The following SLC38A11 variants were observed in gnomAD, a reference collection of about 807,000 sequenced individuals.
SLC38A11 encodes the protein solute carrier family 38 member 11.
SLC38A11 carries 51 observed loss-of-function variants against 49.4 expected under a neutral mutation model. The observed-to-expected ratio is 1.03, with a 90% CI of 0.83 to 1.30. The LOEUF (loss-of-function observed/expected upper bound fraction) is 1.30, where lower values mean the gene tolerates loss of function less well. Ranked by LOEUF, SLC38A11 falls within the 50% of genes most tolerant of loss-of-function variation. The probability of loss-of-function intolerance (pLI) is 0.00; values close to 1 mark genes in which losing one functional copy is unlikely to be tolerated. For synonymous variants in SLC38A11, 203 were observed against 192.9 expected (o/e 1.05, Z -0.43); for missense variants, 574 against 556.2 (o/e 1.03, Z -0.32).
rs1685178320 is a variant in SLC38A11, at chr2:164,908,568, T to C, written c.1095+72A>G. On this transcript the variant is annotated intron_variant, in intron 11 of 11. Transcript: ENST00000685975. ...ACACTTTTGTTAAGGAAAATACATCTTATGTTAAATGTAATCATTATCTTT... is the reference window on the plus strand; with the variant it reads ...ACACTTTTGTTAAGGAAAATACATCCTATGTTAAATGTAATCATTATCTTT... The C allele has an allele frequency of 3.7e-6, 5 of 1,341,340 alleles. No individual in the cohort carries two copies. The South Asian group carries it at 7.5e-5, about 20-fold the overall frequency. The allele number at this position is 1,341,340 out of a possible 1,614,324, so 83.1% of individuals were successfully genotyped here.
At chr2:164,920,782 A>G (rs1686141353) in intron 7 of SLC38A11, among the ~76,000 whole-genome samples, 1 of 152,178 alleles carries the variant, frequency 6.6e-6, no homozygotes, top group South Asian at 2.1e-4. Flanking sequence ...TACAACACAA[A>G]AAGGAGGTAA....
rs1451220602 is a variant in SLC38A11 at position 164,952,721 on chromosome 2, A to G, written c.215T>C (p.Val72Ala). 6.2e-7 allele frequency: 1 copy of G among 1,608,968 alleles called. No individual in the cohort carries two copies. Among genetic ancestry groups the G allele is most frequent in the Admixed American group, 1.7e-5 (1 of 59,096 alleles). ...TAGTATTTTACCTGTAACATATGAA[A>G]CCCAGAATAAAAGCAATATTCCCAA... The part of the protein sequence containing the change: ...FPLGILLLFW[V>A]SYVTDFSLVL... Residue 72 changes from valine to alanine, a missense_variant, in exon 3 of 12, where the codon GTT becomes GCT. Val to Ala is a moderately conservative substitution (Grantham distance 64). Transcript: ENST00000685975.
chr2:164,925,087 G>T (rs1319939597), intron 7 of SLC38A11, among the ~76,000 whole-genome samples: 1 of 152,172 alleles, frequency 6.6e-6, no homozygotes. Flanking sequence ...TAAAAAGCTA[G>T]CCCAGCTTGG....
chr2:164,902,022 G>A (rs898882894), intron 11 of SLC38A11, among the ~76,000 whole-genome samples: 1 of 141,332 alleles, frequency 7.1e-6, no homozygotes, highest in East Asian at 2.1e-4. Flanking sequence ...TGTGTTTTTT[G>A]TTTTCTCTCT....
chr2:164,907,697 T>C (rs1685115323), intron 11 of SLC38A11, among the ~76,000 whole-genome samples: 2 of 152,188 alleles, frequency 1.3e-5, no homozygotes, highest in South Asian at 4.1e-4. Flanking sequence ...AAATATATGA[T>C]CAGTGAATGT....
Position 164,955,353 on chromosome 2 carries a change from G to T in SLC38A11, c.-106C>A. On this transcript the variant is annotated 5_prime_UTR_variant, in exon 1 of 12. Transcript: ENST00000685975. ...CGCACACAGCCGAGGTCCGCGTGTA[G>T]CCGCAGAGCTGCAGGGAGCCAGTTC... The T allele has an allele frequency of 8.8e-7, 1 of 1,131,282 alleles. No individual in the cohort carries two copies. Among genetic ancestry groups the T allele is most frequent in the Non-Finnish European group, 1.3e-6 (1 of 771,698 alleles). The allele number at this position is 1,131,282 out of a possible 1,614,324, so 70.1% of individuals were successfully genotyped here. A position where few individuals can be genotyped will look rare whatever the true frequency, so the allele number is the denominator to read the frequency against.
chr2:164,952,656 A>C (rs1370230411), intron 3 of SLC38A11, 51 bp downstream of exon 3: 14 of 1,104,692 alleles, frequency 1.3e-5, no homozygotes, highest in Non-Finnish European at 2.0e-5. Flanking sequence ...GTATGTGTGT[A>C]GTTATTGCAC....
At chr2:164,953,794 T>G (rs1688676338) in intron 2 of SLC38A11, among the ~76,000 whole-genome samples, 1 of 152,202 alleles carries the variant, frequency 6.6e-6, no homozygotes. Flanking sequence ...TGTTGCAACT[T>G]TATAAAACAT....
chr2:164,915,331 T>G (rs1457056307), intron 8 of SLC38A11, 58 bp from the exon 9 acceptor site: 2 of 1,483,826 alleles, frequency 1.3e-6, no homozygotes, highest in Non-Finnish European at 9.1e-7. Context: ...TCTTTTTTAG[T>G]TCTGAAATTC....
At chr2:164,908,880 G>C (rs1389920456) in intron 10 of SLC38A11, 109 bp from the exon 11 acceptor site, 1 of 1,218,702 alleles carries the variant, frequency 8.2e-7, no homozygotes, top group African/African-American at 1.6e-5. Flanking sequence ...TACCAACAAG[G>C]CTATTAATCA....
intron 5 of SLC38A11, 88 bp downstream of exon 5, chr2:164,944,478 ATTT>A (rs1687977921): frequency 1.9e-6 from 1 of 533,166 alleles, no homozygotes; most frequent in Admixed American, 4.4e-5. Context: ...TCACTTTCAA[ATTT>A]TTTATTTATA....
intron 11 of SLC38A11, among the ~76,000 whole-genome samples, chr2:164,902,291 G>A (rs12995761): frequency 0.33 from 49,862 of 151,780 alleles, 8,986 homozygotes; most frequent in South Asian, 0.55. Flanking sequence ...AAAGTGCTGA[G>A]ATTACAGGTG....
chr2:164,913,056 C>A (rs955034057), intron 9 of SLC38A11, among the ~76,000 whole-genome samples: 2 of 151,726 alleles, frequency 1.3e-5, no homozygotes, highest in African/African-American at 4.8e-5. Flanking sequence ...AATACTACAC[C>A]ATTTAAAAAG....
intron 3 of SLC38A11, among the ~76,000 whole-genome samples, chr2:164,949,415 A>G (rs1397137616): frequency 1.3e-5 from 2 of 151,902 alleles, no homozygotes; most frequent in Non-Finnish European, 1.5e-5. Context: ...AAGCCACCAC[A>G]TCCAGTTAAT....
At chr2:164,949,854 G>A (rs1688402296) in intron 3 of SLC38A11, 1 of 152,214 alleles carries the variant, frequency 6.6e-6, no homozygotes, top group South Asian at 2.1e-4. Flanking sequence ...AGAATAATTG[G>A]AATGAGACTA....
At chr2:164,924,660 C>T (rs1234049892) in intron 7 of SLC38A11, among the ~76,000 whole-genome samples, 3 of 152,066 alleles carry the variant, frequency 2.0e-5, no homozygotes, top group Admixed American at 6.5e-5. Flanking sequence ...TATTAAAAAG[C>T]TGATTTCTAG....
intron 7 of SLC38A11, among the ~76,000 whole-genome samples, chr2:164,926,564 G>A (rs1198038548): frequency 1.3e-5 from 2 of 151,434 alleles, no homozygotes; most frequent in Non-Finnish European, 2.9e-5. Flanking sequence ...ACATGCACAC[G>A]TATGTTTACT....
chr2:164,902,803 C>A, intron 11 of SLC38A11, among the ~76,000 whole-genome samples: 1 of 151,850 alleles, frequency 6.6e-6, no homozygotes. Flanking sequence ...ACAAAAGTGT[C>A]CAGAGAAAGA....
At chr2:164,903,828 G>A (rs1392164239) in intron 11 of SLC38A11, among the ~76,000 whole-genome samples, 1 of 152,110 alleles carries the variant, frequency 6.6e-6, no homozygotes, top group Non-Finnish European at 1.5e-5. Context: ...GGAGAGAAAG[G>A]ACAGAAGCTA....
Sources: gnomAD v4.1 joint callset for allele counts (sites outside exome capture counted in the v4.1 genomes callset) on GRCh38, gnomAD v4.1.1 for gene constraint, MANE v1.5 for transcripts, NCBI Gene and HGNC (gene_info 2026-07-23, HGNC 2026-07-21) for gene names.